Variants in RAB22A observed in about 807,000 individuals in gnomAD.
RAB22A encodes RAB22A, member RAS oncogene family, also known as ras-related protein Rab-22A.
A neutral mutation model predicts 30.2 loss-of-function variants in RAB22A; 13 were observed. The observed-to-expected ratio is 0.43, with a 90% CI of 0.28 to 0.68. The LOEUF is 0.68. RAB22A is among the 30% of genes least tolerant of loss of function. RAB22A has a pLI of 0.18. For synonymous variants in RAB22A, 89 were observed against 87.2 expected (o/e 1.02, Z -0.11); for missense variants, 177 against 246.8 (o/e 0.72, Z 1.89).
chr20:58,323,696 C>G (rs1417075390), intron 2 of RAB22A, among the ~76,000 whole-genome samples: 1 of 149,716 alleles, frequency 6.7e-6, no homozygotes, highest in Non-Finnish European at 1.5e-5. Flanking sequence ...ATTTGAACAC[C>G]TGGGCTCAAG....
intron 3 of RAB22A, among the ~76,000 whole-genome samples, chr20:58,347,122 A>G (rs1197736056): frequency 6.6e-6 from 1 of 152,224 alleles, no homozygotes; most frequent in Non-Finnish European, 1.5e-5. Context: ...TAGTTATGAC[A>G]TTTATTATGG....
rs1987082547 is a variant in RAB22A at position 58,353,301 on chromosome 20, G to A, written c.227G>A (p.Arg76Gln). 3 of 1,613,882 alleles carry A rather than the reference G, an allele frequency of 1.9e-6. No homozygotes were observed. Among genetic ancestry groups the A allele is most frequent in the Non-Finnish European group, 2.5e-6 (3 of 1,179,984 alleles). ...CGTGCCTTAGCACCAATGTACTATC[G>A]AGGGTCGGCTGCAGCTATAATCGTT... is the stretch of plus-strand genomic sequence containing the variant. ...RFRALAPMYY[R>Q]GSAAAIIVYD... Residue 76 changes from arginine (R) to glutamine (Q), a missense_variant, in exon 4 of 7, where the codon CGA becomes CAA. Transcript: ENST00000244040.
At chr20:58,315,539 G>T (rs752027286) in intron 2 of RAB22A, among the ~76,000 whole-genome samples, 1 of 132,146 alleles carries the variant, frequency 7.6e-6, no homozygotes, top group Non-Finnish European at 1.6e-5. Flanking sequence ...AAGTGACAGG[G>T]TCACTCTTGT....
At chr20:58,350,325 G>A (rs886350411) in intron 3 of RAB22A, among the ~76,000 whole-genome samples, 14 of 152,192 alleles carry the variant, frequency 9.2e-5, no homozygotes, top group African/African-American at 3.1e-4. Flanking sequence ...ACAGTCTAAC[G>A]TATGTGTAAT....
intron 2 of RAB22A, among the ~76,000 whole-genome samples, chr20:58,339,130 G>A (rs1182469796): frequency 1.3e-5 from 2 of 152,286 alleles, no homozygotes; most frequent in South Asian, 4.1e-4. Context: ...TTGAGAGCAC[G>A]TACTCTGACC....
chr20:58,314,209 T>C (rs1986289751), intron 2 of RAB22A, among the ~76,000 whole-genome samples: 1 of 152,090 alleles, frequency 6.6e-6, no homozygotes, highest in Non-Finnish European at 1.5e-5. Flanking sequence ...TTTGGGAATC[T>C]GCCCGCCACA....
chr20:58,314,075 GTCTC>G (rs1986286575), intron 2 of RAB22A, among the ~76,000 whole-genome samples: 1 of 148,246 alleles, frequency 6.7e-6, no homozygotes, highest in African/African-American at 2.5e-5. Flanking sequence ...TTGAGACTGA[GTCTC>G]TCTCTATTAC....
intron 5 of RAB22A, among the ~76,000 whole-genome samples, chr20:58,353,869 T>C (rs113169260): frequency 0.026 from 3,968 of 152,310 alleles, 61 homozygotes; most frequent in African/African-American, 0.047. Flanking sequence ...CCTGGGCCAC[T>C]TCCATCATTC....
chr20:58,318,313 T>G (rs756044063), intron 2 of RAB22A, among the ~76,000 whole-genome samples: 2 of 152,268 alleles, frequency 1.3e-5, no homozygotes, highest in Non-Finnish European at 2.9e-5. Context: ...CCTGGAGGCT[T>G]ACTGTTGCCT....
Position 58,353,285 on chromosome 20 carries a change from G to T in RAB22A, c.211G>T (p.Ala71Ser). 1 of 1,613,910 alleles carries T rather than the reference G, an allele frequency of 6.2e-7. No homozygotes were observed. The highest frequency in any genetic ancestry group is 8.5e-7 in the Non-Finnish European group (1 of 1,179,944). Residue 71 changes from alanine (A) to serine (S), a missense_variant, in exon 4 of 7, where the codon GCA becomes TCA. Ala to Ser is a moderately conservative substitution (Grantham distance 99). Transcript: ENST00000244040. The part of the protein sequence containing the change: ...TAGQERFRAL[A>S]PMYYRGSAAA... ...CCCTCCTCTGCAGTTTCGTGCCTTA[G>T]CACCAATGTACTATCGAGGGTCGGC... is the stretch of plus-strand genomic sequence containing the variant.
rs775717574 is a variant in RAB22A at position 58,343,784 on chromosome 20, A to G, written c.183A>G (p.Thr61=). ...TACATAAATTCCTAATCTGGGATAC[A>G]GCTGGACAAGAACGAGTAAGTCACT... The part of the protein sequence containing the change: ...NELHKFLIWD[T]AGQERFRALA... The change falls in exon 3 of 7, where the codon ACA becomes ACG. Residue 61 remains threonine (T), a synonymous_variant. Transcript: ENST00000244040. 112 of 1,608,010 alleles carry G rather than the reference A, an allele frequency of 7.0e-5. No individual in the cohort carries two copies. Among genetic ancestry groups the G allele is most frequent in the Non-Finnish European group, 9.2e-5 (108 of 1,174,542 alleles).
chr20:58,310,641 C>G (rs1986206173), intron 1 of RAB22A, among the ~76,000 whole-genome samples: 1 of 152,206 alleles, frequency 6.6e-6, no homozygotes, highest in South Asian at 2.1e-4. Context: ...GAGTTTCTGC[C>G]TTAAAGATCG....
chr20:58,347,011 C>G (rs1346469134), intron 3 of RAB22A, among the ~76,000 whole-genome samples: 2 of 152,196 alleles, frequency 1.3e-5, no homozygotes, highest in Admixed American at 6.5e-5. Flanking sequence ...GCCAGCCCTA[C>G]TTAGGCACAG....
chr20:58,343,981 C>T (rs963919176), intron 3 of RAB22A, among the ~76,000 whole-genome samples, 182 bp downstream of exon 3: 1 of 152,142 alleles, frequency 6.6e-6, no homozygotes, highest in African/African-American at 2.4e-5. Flanking sequence ...CAGAGTCCAC[C>T]GATGGAGAAA....
At chr20:58,324,519 C>A (rs1355889441) in intron 2 of RAB22A, among the ~76,000 whole-genome samples, 1 of 152,116 alleles carries the variant, frequency 6.6e-6, no homozygotes, top group Non-Finnish European at 1.5e-5. Context: ...TTTCTAACTT[C>A]TTGAGATAGA....
chr20:58,362,423 A>T lies in RAB22A; in HGVS notation c.*2720A>T, dbSNP rs2122977588. 6.6e-6 allele frequency: 1 copy of T among 152,292 alleles called. No homozygotes were observed. Among genetic ancestry groups the T allele is most frequent in the East Asian group, 1.9e-4 (1 of 5,178 alleles). The allele number at this position is 152,292 out of a possible 1,614,324, so 9.4% of individuals were successfully genotyped here. On this transcript the variant is annotated 3_prime_UTR_variant, in exon 7 of 7. Coordinates refer to ENST00000244040, the MANE Select transcript of RAB22A (RefSeq NM_020673.3). ...CTATATTTCAAAGGAATTGAGACATACTCCCATCTATAAACATGTTTGGTT... is the reference window on the plus strand; with the variant it reads ...CTATATTTCAAAGGAATTGAGACATTCTCCCATCTATAAACATGTTTGGTT...
chr20:58,317,889 G>A (rs140967971), intron 2 of RAB22A, among the ~76,000 whole-genome samples: 1 of 151,320 alleles, frequency 6.6e-6, no homozygotes, highest in Admixed American at 6.6e-5. Context: ...TTAGAGACAG[G>A]GTCTTGTTCT....
intron 2 of RAB22A, among the ~76,000 whole-genome samples, chr20:58,325,225 T>A (rs949476910): frequency 8.7e-5 from 13 of 148,582 alleles, no homozygotes; most frequent in Admixed American, 1.3e-4. Context: ...ACACCTGTAA[T>A]CCCAGCACTT....
At chr20:58,328,673 C>T (rs969877033) in intron 2 of RAB22A, among the ~76,000 whole-genome samples, 2 of 152,082 alleles carry the variant, frequency 1.3e-5, no homozygotes, top group Non-Finnish European at 2.9e-5. Context: ...TTTCCCAAAC[C>T]AGCCCTAGCT....
Sources: gnomAD v4.1 joint callset for allele counts (sites outside exome capture counted in the v4.1 genomes callset) on GRCh38, gnomAD v4.1.1 for gene constraint, MANE v1.5 for transcripts, NCBI Gene and HGNC (gene_info 2026-07-23, HGNC 2026-07-21) for gene names.